Variants in PRDM5 observed in about 807,000 individuals in gnomAD.
PRDM5 encodes the protein PR/SET domain 5, also known as PR domain zinc finger protein 5.
In PRDM5, 56 loss-of-function variants were observed where a neutral mutation model predicts 81.2. The observed-to-expected ratio is 0.69, with a 90% CI of 0.56 to 0.86. The LOEUF (loss-of-function observed/expected upper bound fraction) is 0.86, where lower values mean the gene tolerates loss of function less well. Ranked by LOEUF, PRDM5 falls within the 40% of genes least tolerant of loss-of-function variation. PRDM5 has a pLI of 0.00. For missense variants in PRDM5, 697 were observed against 770.1 expected (o/e 0.91, Z 1.12); for synonymous variants, 267 against 256.4 (o/e 1.04, Z -0.39).
At chr4:120,709,076 T>C (rs1358856852) in intron 15 of PRDM5, among the ~76,000 whole-genome samples, 1 of 152,146 alleles carries the variant, frequency 6.6e-6, no homozygotes, top group Non-Finnish European at 1.5e-5. Context: ...AAACATAACA[T>C]GATGGTTCAA....
At chr4:120,814,762 G>A (rs1014201345) in intron 7 of PRDM5, among the ~76,000 whole-genome samples, 3 of 152,182 alleles carry the variant, frequency 2.0e-5, no homozygotes, top group Non-Finnish European at 4.4e-5. Context: ...GGAGGAAAGG[G>A]GAGAAGCAAG....
At position 120,793,154 on chromosome 4, in the gene PRDM5, C is replaced by T. The variant is rs112626093; in HGVS notation, c.1188+5113G>A. 4.3e-3 allele frequency among the ~76,000 whole-genome samples: 661 copies of T among 152,262 alleles called. 2 individuals are homozygous for T. Among genetic ancestry groups the T allele is most frequent in the African/African-American group, 0.015 (620 of 41,532 alleles). On this transcript the variant is annotated intron_variant, in intron 10 of 15. Coordinates refer to ENST00000264808, the MANE Select transcript of PRDM5 (RefSeq NM_018699.4). ...ATCTGTATTTACAGCCACTCCCCAT[C>T]ACTCACATTACCGCCTGAGCCCCAC...
chr4:120,860,118 A>G (rs1274400895), intron 2 of PRDM5, among the ~76,000 whole-genome samples: 2 of 152,214 alleles, frequency 1.3e-5, no homozygotes, highest in Non-Finnish European at 2.9e-5. Context: ...CAAAGACACA[A>G]AGACAAGTAT....
chr4:120,880,734 A>G (rs748713267), intron 2 of PRDM5, among the ~76,000 whole-genome samples: 1 of 152,154 alleles, frequency 6.6e-6, no homozygotes. Flanking sequence ...AAATATTCCA[A>G]TATGTAAATA....
At chr4:120,912,428 A>G (rs548396747) in intron 1 of PRDM5, among the ~76,000 whole-genome samples, 34 of 152,304 alleles carry the variant, frequency 2.2e-4, no homozygotes, top group Admixed American at 2.1e-3. Context: ...CTGGGAATGT[A>G]ATCAGGTAAA....
chr4:120,725,145 G>A (rs1423787423), intron 14 of PRDM5, among the ~76,000 whole-genome samples: 2 of 150,526 alleles, frequency 1.3e-5, no homozygotes, highest in South Asian at 2.1e-4. Flanking sequence ...TGTAATAAAC[G>A]AGAAATGTTT....
intron 14 of PRDM5, among the ~76,000 whole-genome samples, chr4:120,743,667 T>C (rs1318958390): frequency 1.2e-5 from 1 of 84,146 alleles, no homozygotes; most frequent in Non-Finnish European, 2.4e-5. Flanking sequence ...CCAACAAAGA[T>C]CAAAACAGAC....
At chr4:120,854,575 T>C (rs563732698) in intron 2 of PRDM5, among the ~76,000 whole-genome samples, 1 of 152,266 alleles carries the variant, frequency 6.6e-6, no homozygotes, top group East Asian at 1.9e-4. Flanking sequence ...CATTTGTTCA[T>C]TCAACAAACA....
At chr4:120,882,948 TG>T (rs1763004204) in intron 2 of PRDM5, among the ~76,000 whole-genome samples, 1 of 152,204 alleles carries the variant, frequency 6.6e-6, no homozygotes, top group Non-Finnish European at 1.5e-5. Flanking sequence ...TATTTTACAT[TG>T]CCTCAGTTTT....
At chr4:120,779,720 G>A (rs900323989) in intron 12 of PRDM5, among the ~76,000 whole-genome samples, 1 of 152,072 alleles carries the variant, frequency 6.6e-6, no homozygotes, top group African/African-American at 2.4e-5. Flanking sequence ...TGGCCAGCAT[G>A]GTGAAACTCC....
intron 14 of PRDM5, among the ~76,000 whole-genome samples, chr4:120,723,951 T>TTTTTTTTTTTTTTTTG (rs1739027986): frequency 1.1e-5 from 1 of 87,280 alleles, no homozygotes; most frequent in African/African-American, 3.9e-5. Flanking sequence ...TTTTTTTTTT[T>TTTTTTTTTTTTTTTTG]GCATGTTGCT....
At chr4:120,870,134 G>C (rs891977227) in intron 2 of PRDM5, among the ~76,000 whole-genome samples, 33 of 152,120 alleles carry the variant, frequency 2.2e-4, no homozygotes, top group African/African-American at 7.5e-4. Context: ...GGAGGAGACA[G>C]AGGAAGGGAG....
chr4:120,853,031 C>T (rs1759462400), intron 3 of PRDM5, among the ~76,000 whole-genome samples: 2 of 152,038 alleles, frequency 1.3e-5, no homozygotes, highest in Admixed American at 1.3e-4. Context: ...GGAATATCCC[C>T]AAGTAAACCT....
At chr4:120,784,370 G>A (rs1472224577) in intron 11 of PRDM5, among the ~76,000 whole-genome samples, 1 of 152,104 alleles carries the variant, frequency 6.6e-6, no homozygotes. Context: ...CGCACCTCAT[G>A]GTGTGTATGT....
chr4:120,803,706 C>T (rs1414066015), intron 8 of PRDM5, among the ~76,000 whole-genome samples: 1 of 152,162 alleles, frequency 6.6e-6, no homozygotes, highest in African/African-American at 2.4e-5. Flanking sequence ...GAAGGAAGCA[C>T]TGAACATGGA....
At position 120,754,630 on chromosome 4, in the gene PRDM5, G is replaced by A. The variant is rs759957628; in HGVS notation, c.1546C>T (p.Pro516Ser). 6.3e-7 allele frequency: 1 copy of A among 1,594,696 alleles called. No individual in the cohort carries two copies. Among genetic ancestry groups the A allele is most frequent in the Non-Finnish European group, 8.6e-7 (1 of 1,162,970 alleles). The change falls in exon 14 of 16, where the codon CCC becomes TCC. Residue 516 changes from proline to serine, a missense_variant. Physicochemically the swap from Pro to Ser is moderately conservative, Grantham distance 74. This residue lies in a region of PRDM5 where 86 missense variants were observed against 135.2 expected (regional missense o/e 0.64). Coordinates refer to ENST00000264808, the MANE Select transcript of PRDM5 (RefSeq NM_018699.4). ...TTTTCACAGTAAGGACATTGATAGG[G>A]ACGCTCACCTACAAATAAAGGAAGC... ...VHIRSHTGER[P>S]YQCPYCEKGF...
intron 14 of PRDM5, among the ~76,000 whole-genome samples, chr4:120,734,446 A>ACACACACACACC (rs941793836): frequency 1.6e-4 from 24 of 151,258 alleles, no homozygotes; most frequent in Middle Eastern, 6.8e-3. Flanking sequence ...ACACACACAC[A>ACACACACACACC]CCCTTACTCA....
intron 2 of PRDM5, among the ~76,000 whole-genome samples, chr4:120,865,470 T>C (rs1254189124): frequency 6.6e-6 from 1 of 152,228 alleles, no homozygotes; most frequent in Non-Finnish European, 1.5e-5. Context: ...TGTAGGATAA[T>C]CTGATATCTC....
intron 8 of PRDM5, among the ~76,000 whole-genome samples, chr4:120,804,878 C>CA (rs1752677336): frequency 6.6e-6 from 1 of 151,994 alleles, no homozygotes; most frequent in Non-Finnish European, 1.5e-5. Flanking sequence ...AACAGAGACA[C>CA]AAAAAACCCT....
Sources: allele counts gnomAD v4.1 joint callset (sites outside exome capture counted in the v4.1 genomes callset), GRCh38; gene constraint gnomAD v4.1.1; regional missense constraint gnomAD v4.1.1; transcripts MANE v1.5; gene names NCBI Gene and HGNC (gene_info 2026-07-23, HGNC 2026-07-21).